Variants in RNF157 observed in about 807,000 individuals in gnomAD.
RNF157 encodes the protein ring finger protein 157, also known as E3 ubiquitin ligase RNF157.
A neutral mutation model predicts 88.3 loss-of-function variants in RNF157; 55 were observed. The ratio of observed to expected loss-of-function variants is 0.62; its 90% confidence interval spans 0.50 to 0.78. RNF157 has a LOEUF of 0.78. Ranked by LOEUF, RNF157 falls within the 30% of genes least tolerant of loss-of-function variation. The pLI is 0.00. For missense variants in RNF157, 788 were observed against 860.8 expected, an observed-to-expected ratio of 0.92 and a Z score of 1.06; for synonymous variants, 334 against 341.2, an observed-to-expected ratio of 0.98 and a Z score of 0.23.
At chr17:76,162,702 T>G in intron 8 of RNF157, 79 bp from the exon 9 acceptor site, 1 of 1,000,406 alleles carries the variant, frequency 1.0e-6, no homozygotes, top group Non-Finnish European at 1.5e-6. Flanking sequence ...CAATCTTACC[T>G]CTTTTGGTAA....
chr17:76,146,073 G>A lies in RNF157; in HGVS notation c.1922-720C>T, dbSNP rs1229441444. ...CTGCCCCCACATGAGGAGTGCCAGC[G>A]CCTGTCTGGAAACCCATTCTTGGTG... On this transcript the variant is annotated intron_variant, in intron 18 of 18. Transcript: ENST00000269391. This position sits in a 1 kb window ranked among gnomAD's most constrained non-coding sequence, Gnocchi z 4.2. Among the ~76,000 whole-genome samples, 4 of 152,258 alleles carry A rather than the reference G, an allele frequency of 2.6e-5. No homozygotes were observed. Among genetic ancestry groups the A allele is most frequent in the African/African-American group, 9.6e-5 (4 of 41,548 alleles).
intron 8 of RNF157, chr17:76,164,255 G>C (rs1453769297): frequency 6.6e-6 from 1 of 152,636 alleles, no homozygotes; most frequent in African/African-American, 2.4e-5. Flanking sequence ...ACAAGGTGCT[G>C]ATCATTCTGG....
chr17:76,210,521 C>T (rs1474312591), intron 2 of RNF157, among the ~76,000 whole-genome samples: 3 of 120,360 alleles, frequency 2.5e-5, no homozygotes, highest in South Asian at 2.8e-4. Context: ...ACCCGGGAGG[C>T]AGAGCTTTCA....
intron 2 of RNF157, among the ~76,000 whole-genome samples, chr17:76,196,306 T>C (rs534535480): frequency 3.3e-5 from 5 of 152,318 alleles, no homozygotes; most frequent in South Asian, 2.1e-4. Flanking sequence ...GTTCCACTTA[T>C]ATAAAGTTCA....
rs766323399 is a variant in RNF157 at position 76,160,978 on chromosome 17, A to G, written c.1065+557T>C. ...TTTTTCCTCCTGAAATAGCTAACTA[A>G]TTATCCCAATACCATTCACTAAATA... On this transcript the variant is annotated intron_variant, in intron 11 of 18. Transcript: ENST00000269391. This position sits in a 1 kb window ranked among gnomAD's most constrained non-coding sequence, Gnocchi z 4.3. 6.6e-6 allele frequency among the ~76,000 whole-genome samples: 1 copy of G among 152,198 alleles called. No homozygotes were observed. The highest frequency in any genetic ancestry group is 1.5e-5 in the Non-Finnish European group (1 of 68,042).
At chr17:76,213,334 C>A (rs549984996) in intron 1 of RNF157, among the ~76,000 whole-genome samples, 58 of 152,216 alleles carry the variant, frequency 3.8e-4, no homozygotes, top group African/African-American at 1.3e-3. Context: ...CTTTGGGAGG[C>A]TGAGGAGGGC....
chr17:76,194,049 TTC>T (rs1374995625), intron 2 of RNF157, among the ~76,000 whole-genome samples: 1 of 152,226 alleles, frequency 6.6e-6, no homozygotes, highest in Non-Finnish European at 1.5e-5. Context: ...CCAAGGCACA[TTC>T]TGTTTTTTTG....
At chr17:76,213,697 G>C (rs1243092436) in intron 1 of RNF157, among the ~76,000 whole-genome samples, 1 of 152,046 alleles carries the variant, frequency 6.6e-6, no homozygotes, top group African/African-American at 2.4e-5. Context: ...CTGGTCACTG[G>C]AAAGAAAAGG....
intron 2 of RNF157, among the ~76,000 whole-genome samples, chr17:76,206,003 G>A (rs913376558): frequency 3.9e-5 from 6 of 152,176 alleles, no homozygotes; most frequent in African/African-American, 1.4e-4. Flanking sequence ...GCCAAGACAG[G>A]AAGACTACTT....
intron 2 of RNF157, among the ~76,000 whole-genome samples, chr17:76,194,972 A>G (rs1193441614): frequency 1.3e-5 from 2 of 152,062 alleles, no homozygotes; most frequent in East Asian, 1.9e-4. Flanking sequence ...CCGAGATAGC[A>G]CCACTGCACT....
chr17:76,191,965 T>G (rs1487275966), intron 2 of RNF157, among the ~76,000 whole-genome samples: 1 of 152,168 alleles, frequency 6.6e-6, no homozygotes, highest in Non-Finnish European at 1.5e-5. Context: ...ATACAGACTT[T>G]TATATAACAG....
At chr17:76,179,220 CTT>C (rs2069151639) in intron 2 of RNF157, among the ~76,000 whole-genome samples, 1 of 151,678 alleles carries the variant, frequency 6.6e-6, no homozygotes, top group Non-Finnish European at 1.5e-5. Flanking sequence ...CATGGCGAGA[CTT>C]TGTCCCCACA....
chr17:76,147,712 C>T (rs1301983754), intron 18 of RNF157: 1 of 152,278 alleles, frequency 6.6e-6, no homozygotes, highest in Non-Finnish European at 1.5e-5. Flanking sequence ...CAGCCTCATT[C>T]TCACAGTAAG....
intron 3 of RNF157, among the ~76,000 whole-genome samples, chr17:76,172,519 A>C (rs2069030753): frequency 7.1e-6 from 1 of 141,768 alleles, no homozygotes; most frequent in Non-Finnish European, 1.5e-5. Flanking sequence ...TGAACCTGGG[A>C]GGTGGAGGTT....
At chr17:76,223,974 T>C (rs1488847591) in intron 1 of RNF157, among the ~76,000 whole-genome samples, 1 of 152,192 alleles carries the variant, frequency 6.6e-6, no homozygotes, top group Non-Finnish European at 1.5e-5. Flanking sequence ...CTCCAGACAC[T>C]ACTCCTTAAC....
At chr17:76,194,313 T>A (rs1182249925) in intron 2 of RNF157, among the ~76,000 whole-genome samples, 1 of 152,220 alleles carries the variant, frequency 6.6e-6, no homozygotes, top group Non-Finnish European at 1.5e-5. Context: ...CAACACTCTT[T>A]ACAATGCTTA....
At chr17:76,215,486 A>G (rs1352332424) in intron 1 of RNF157, among the ~76,000 whole-genome samples, 1 of 150,784 alleles carries the variant, frequency 6.6e-6, no homozygotes, top group African/African-American at 2.4e-5. Flanking sequence ...AAAAAAAAAG[A>G]AAGAAAGAAA....
intron 6 of RNF157, 45 bp downstream of exon 6, chr17:76,166,416 A>G (rs1376890081): frequency 6.5e-7 from 1 of 1,527,230 alleles, no homozygotes; most frequent in Admixed American, 1.7e-5. Context: ...AATATGCCAC[A>G]AAAGAGCAGT....
chr17:76,202,086 A>C (rs900410537), intron 2 of RNF157, among the ~76,000 whole-genome samples: 2 of 151,756 alleles, frequency 1.3e-5, no homozygotes, highest in Admixed American at 6.6e-5. Context: ...GATAGCATGC[A>C]AAAGGCAAAT....
Sources: allele counts gnomAD v4.1 joint callset (sites outside exome capture counted in the v4.1 genomes callset), GRCh38; gene constraint gnomAD v4.1.1; non-coding constraint Gnocchi (gnomAD v3.1); transcripts MANE v1.5; gene names NCBI Gene and HGNC (gene_info 2026-07-23, HGNC 2026-07-21).